The following CEP170 variants were observed in gnomAD, a reference collection of about 807,000 sequenced individuals.
CEP170 encodes the protein centrosomal protein 170, also known as centrosomal protein of 170 kDa.
CEP170 carries 21 observed loss-of-function variants against 151.9 expected under a neutral mutation model. That is an observed-to-expected ratio of 0.14 (90% CI 0.10 to 0.20). The LOEUF (loss-of-function observed/expected upper bound fraction) is 0.20. Among genes scored for constraint, CEP170 ranks in the 10% least tolerant of loss-of-function variants. CEP170 has a pLI of 1.00. For synonymous variants in CEP170, 356 were observed against 648.8 expected, an observed-to-expected ratio of 0.55 and a Z score of 6.86; for missense variants, 964 against 1,892.9, an observed-to-expected ratio of 0.51 and a Z score of 9.11.
rs140779589 is a variant in CEP170, at chr1:243,220,985, G to C, written c.195+739C>G. On this transcript the variant is annotated intron_variant, in intron 3 of 19. Coordinates refer to ENST00000366542, the MANE Select transcript of CEP170 (RefSeq NM_014812.3). ...GTTTCACCTTTTTTACCCTAGCAGAGAAAGTTGTCTACTCTCTGGCACCTT... is the reference window on the plus strand; with the variant it reads ...GTTTCACCTTTTTTACCCTAGCAGACAAAGTTGTCTACTCTCTGGCACCTT... 3.6e-3 allele frequency among the ~76,000 whole-genome samples: 551 copies of C among 152,242 alleles called. 1 individual carries two copies. Among genetic ancestry groups the C allele is most frequent in the African/African-American group, 0.013 (523 of 41,536 alleles).
At chr1:243,244,931 T>C (rs2065225871) in intron 1 of CEP170, among the ~76,000 whole-genome samples, 1 of 152,074 alleles carries the variant, frequency 6.6e-6, no homozygotes, top group Admixed American at 6.6e-5. Context: ...GATTATTTCA[T>C]AAGGAAAAGG....
chr1:243,147,809 G>C lies in CEP170; in HGVS notation c.3912-5346C>G, dbSNP rs139326492. 3.6e-3 allele frequency among the ~76,000 whole-genome samples: 553 copies of C among 152,254 alleles called. 1 individual carries two copies. Among genetic ancestry groups the C allele is most frequent in the African/African-American group, 0.013 (525 of 41,528 alleles). ...TTCTACGTAAAAATTTTTAGAGTTT[G>C]ACTTAAAAATTTTCAATTTGGAATC... On this transcript the variant is annotated intron_variant, in intron 14 of 19. Transcript: ENST00000366542.
chr1:243,195,485 G>C (rs2060585050), intron 7 of CEP170, among the ~76,000 whole-genome samples: 1 of 151,756 alleles, frequency 6.6e-6, no homozygotes, highest in African/African-American at 2.4e-5. Flanking sequence ...CAAGTCTTCG[G>C]GAGTTTCTGG....
intron 14 of CEP170, among the ~76,000 whole-genome samples, chr1:243,147,097 A>G (rs1483143365): frequency 6.6e-6 from 1 of 152,194 alleles, no homozygotes; most frequent in African/African-American, 2.4e-5. Context: ...AAAAGACAGT[A>G]TTCTTATTAC....
intron 1 of CEP170, among the ~76,000 whole-genome samples, chr1:243,245,730 CAAACAAAAAACAAA>C (rs550718551): frequency 1.3e-5 from 2 of 150,532 alleles, no homozygotes; most frequent in African/African-American, 2.4e-5. Context: ...ACAAAACAAA[CAAACAAAAAACAAA>C]AAACAAAAAA....
intron 4 of CEP170, among the ~76,000 whole-genome samples, chr1:243,201,313 C>A (rs2061014994): frequency 6.6e-6 from 1 of 152,116 alleles, no homozygotes; most frequent in South Asian, 2.1e-4. Context: ...AAAAGAAATG[C>A]TATAATTAGG....
intron 10 of CEP170, among the ~76,000 whole-genome samples, chr1:243,176,396 G>A (rs1407186734): frequency 1.3e-5 from 2 of 151,764 alleles, no homozygotes; most frequent in Non-Finnish European, 2.9e-5. Flanking sequence ...TCTGGGCCTG[G>A]CAGATGTTTA....
intron 1 of CEP170, among the ~76,000 whole-genome samples, chr1:243,249,809 C>A (rs528913735): frequency 9.2e-5 from 14 of 152,182 alleles, no homozygotes; most frequent in Non-Finnish European, 2.1e-4. Flanking sequence ...CAAGGCCAGG[C>A]GCCATGGCTC....
At chr1:243,247,391 T>C (rs949341336) in intron 1 of CEP170, among the ~76,000 whole-genome samples, 1 of 152,210 alleles carries the variant, frequency 6.6e-6, no homozygotes, top group Non-Finnish European at 1.5e-5. Context: ...TCTCACCCTG[T>C]TGCCCAGGCT....
At chr1:243,203,790 A>G (rs2061225467) in intron 4 of CEP170, among the ~76,000 whole-genome samples, 2 of 152,274 alleles carry the variant, frequency 1.3e-5, no homozygotes, top group African/African-American at 2.4e-5. Flanking sequence ...TTTAACAACA[A>G]TTGATAATAA....
chr1:243,186,060 G>A lies in CEP170; in HGVS notation c.1285C>T (p.His429Tyr), dbSNP rs2059918358. The part of the protein sequence containing the change: ...HQDQAVTSSA[H>Y]HRGGHGVPHG... ...GGAACACCATGCCCCCCTCTGTGATGCGCAGAGCTAGTCTGTAAAGACAAA... is the reference window on the plus strand; with the variant it reads ...GGAACACCATGCCCCCCTCTGTGATACGCAGAGCTAGTCTGTAAAGACAAA... The change falls in exon 10 of 20, where the codon CAT becomes TAT. Residue 429 changes from histidine to tyrosine, a missense_variant. Coordinates refer to ENST00000366542, the MANE Select transcript of CEP170 (RefSeq NM_014812.3). 6.2e-7 allele frequency: 1 copy of A among 1,613,688 alleles called. No homozygotes were observed. The highest frequency in any genetic ancestry group is 8.5e-7 in the Non-Finnish European group (1 of 1,179,662).
chr1:243,220,334 A>T (rs2171973), intron 3 of CEP170, among the ~76,000 whole-genome samples: 64,368 of 151,514 alleles, frequency 0.42, 14,527 homozygotes, highest in African/African-American at 0.58. Flanking sequence ...ATCAATCTGG[A>T]AAGGTGGATA....
intron 16 of CEP170, among the ~76,000 whole-genome samples, chr1:243,139,506 T>C (rs2055569728): frequency 6.6e-6 from 1 of 151,494 alleles, no homozygotes; most frequent in Non-Finnish European, 1.5e-5. Context: ...ATTTCTACCT[T>C]CTTTATTTTT....
chr1:243,218,598 T>C (rs2062522442), intron 3 of CEP170, among the ~76,000 whole-genome samples: 1 of 152,142 alleles, frequency 6.6e-6, no homozygotes, highest in South Asian at 2.1e-4. Flanking sequence ...GGAGTGGAAA[T>C]GATCACTTTT....
chr1:243,171,586 G>A (rs1343906436), intron 11 of CEP170, among the ~76,000 whole-genome samples: 1 of 152,014 alleles, frequency 6.6e-6, no homozygotes, highest in East Asian at 1.9e-4. Flanking sequence ...TTCCATTGAA[G>A]GTTAGCTCTT....
intron 3 of CEP170, among the ~76,000 whole-genome samples, chr1:243,217,522 T>C (rs1468271852): frequency 6.6e-6 from 1 of 152,212 alleles, no homozygotes; most frequent in Non-Finnish European, 1.5e-5. Context: ...TCGAGAAACA[T>C]ATAATTTTAA....
At chr1:243,178,557 T>C (rs1418257548) in intron 10 of CEP170, among the ~76,000 whole-genome samples, 1 of 152,170 alleles carries the variant, frequency 6.6e-6, no homozygotes, top group Admixed American at 6.5e-5. Flanking sequence ...GATTTGGTTT[T>C]GCAGTGATGA....
intron 12 of CEP170, 66 bp downstream of exon 12, chr1:243,169,562 G>A: frequency 1.3e-6 from 2 of 1,492,808 alleles, no homozygotes; most frequent in Non-Finnish European, 9.1e-7. Flanking sequence ...AAGAGTAAGA[G>A]AAAGAGAGAG....
intron 4 of CEP170, among the ~76,000 whole-genome samples, chr1:243,203,520 T>TA (rs2148854804): frequency 6.6e-6 from 1 of 152,296 alleles, no homozygotes; most frequent in South Asian, 2.1e-4. Flanking sequence ...TAAACAGCGT[T>TA]AGTTATTCCA....
Sources: gnomAD v4.1 joint callset for allele counts (sites outside exome capture counted in the v4.1 genomes callset) on GRCh38, gnomAD v4.1.1 for gene constraint, MANE v1.5 for transcripts, NCBI Gene and HGNC (gene_info 2026-07-23, HGNC 2026-07-21) for gene names.